Variants in DPP10 observed in about 807,000 individuals in gnomAD.
DPP10 encodes inactive dipeptidyl peptidase 10.
In DPP10, 33 loss-of-function variants were observed where a neutral mutation model predicts 120.9. The ratio of observed to expected loss-of-function variants is 0.27; its 90% confidence interval spans 0.21 to 0.37. The LOEUF (loss-of-function observed/expected upper bound fraction) is 0.37. Among genes scored for constraint, DPP10 ranks in the 10% least tolerant of loss-of-function variants. The pLI is 1.00. For synonymous variants in DPP10, 337 were observed against 326.1 expected, an observed-to-expected ratio of 1.03 and a Z score of -0.36; for missense variants, 816 against 942.8, an observed-to-expected ratio of 0.87 and a Z score of 1.76.
chr2:115,319,678 C>T (rs2061965863), intron 2 of DPP10, among the ~76,000 whole-genome samples: 1 of 152,114 alleles, frequency 6.6e-6, no homozygotes, highest in Admixed American at 6.6e-5. Flanking sequence ...GCTGCTATAG[C>T]AAAATACCAC....
intron 13 of DPP10, among the ~76,000 whole-genome samples, chr2:115,769,668 T>G (rs1458244648): frequency 1.3e-5 from 2 of 151,986 alleles, no homozygotes; most frequent in East Asian, 1.9e-4. Flanking sequence ...TGCATTTATA[T>G]ATGCATTTAT....
At chr2:115,007,020 C>T (rs1164325885) in intron 1 of DPP10, among the ~76,000 whole-genome samples, 2 of 151,970 alleles carry the variant, frequency 1.3e-5, no homozygotes, top group East Asian at 3.9e-4. Context: ...CAAACTATCT[C>T]TCAGACCACA....
chr2:114,508,876 A>G (rs951127312), intron 1 of DPP10, among the ~76,000 whole-genome samples: 2 of 152,138 alleles, frequency 1.3e-5, no homozygotes, highest in Non-Finnish European at 2.9e-5. Context: ...AGAACGTGAA[A>G]TTCAGAAACA....
At chr2:114,948,485 C>A (rs1472090810) in intron 1 of DPP10, among the ~76,000 whole-genome samples, 1 of 152,166 alleles carries the variant, frequency 6.6e-6, no homozygotes, top group East Asian at 1.9e-4. Flanking sequence ...AGGTCACAGT[C>A]ACTTATACTC....
At chr2:115,719,533 C>G (rs1297205410) in intron 7 of DPP10, among the ~76,000 whole-genome samples, 1 of 152,084 alleles carries the variant, frequency 6.6e-6, no homozygotes, top group Non-Finnish European at 1.5e-5. Context: ...TATTTAAGAC[C>G]AAAATGTCAG....
At chr2:115,658,927 T>C (rs1185145170) in intron 5 of DPP10, among the ~76,000 whole-genome samples, 1 of 152,108 alleles carries the variant, frequency 6.6e-6, no homozygotes, top group Non-Finnish European at 1.5e-5. Context: ...TCAAGTTGTA[T>C]AGTTCTCTGG....
intron 1 of DPP10, among the ~76,000 whole-genome samples, chr2:115,286,487 ATATAAT>A (rs200178210): frequency 0.016 from 628 of 39,924 alleles, 16 homozygotes; most frequent in African/African-American, 0.038. Flanking sequence ...TGTAATATAT[ATATAAT>A]ATATATATAT....
intron 5 of DPP10, among the ~76,000 whole-genome samples, chr2:115,662,522 G>A (rs2089084931): frequency 6.6e-6 from 1 of 151,582 alleles, no homozygotes; most frequent in Admixed American, 6.6e-5. Flanking sequence ...ATAGCAAACG[G>A]GTATATGAAA....
At chr2:115,516,353 A>C (rs2077501687) in intron 4 of DPP10, among the ~76,000 whole-genome samples, 1 of 152,096 alleles carries the variant, frequency 6.6e-6, no homozygotes, top group African/African-American at 2.4e-5. Context: ...CCAGGGATGT[A>C]AATCTAAAAT....
In DPP10 at chr2:115,499,806, T is replaced by C. The variant is rs77285207; in HGVS notation, c.366+202T>C. Among the ~76,000 whole-genome samples, 1,249 of 152,170 alleles carry C rather than the reference T, an allele frequency of 8.2e-3. 17 individuals are homozygous for C. The highest frequency in any genetic ancestry group is 0.029 in the African/African-American group (1,209 of 41,562). On this transcript the variant is annotated intron_variant, in intron 4 of 25. Transcript: ENST00000410059. ...TCTGCTTCATTTTCTTCCCGTTTAC[T>C]CTTGTTAATAATTGGAGAAATATTT...
chr2:115,135,354 T>A (rs1056153186), intron 1 of DPP10, among the ~76,000 whole-genome samples: 2 of 152,110 alleles, frequency 1.3e-5, no homozygotes, highest in Non-Finnish European at 2.9e-5. Flanking sequence ...CTCAATTCCC[T>A]ATCTACCTTC....
intron 1 of DPP10, among the ~76,000 whole-genome samples, chr2:114,830,743 A>G (rs915754580): frequency 1.3e-5 from 2 of 152,196 alleles, no homozygotes; most frequent in African/African-American, 4.8e-5. Context: ...GTTTATACAT[A>G]GTTTCTTTAT....
intron 1 of DPP10, among the ~76,000 whole-genome samples, chr2:115,148,264 A>G (rs1444786685): frequency 6.6e-6 from 1 of 152,196 alleles, no homozygotes; most frequent in Non-Finnish European, 1.5e-5. Flanking sequence ...AATTCAACAA[A>G]TAGACCACAA....
chr2:115,557,805 C>T (rs1173159747), intron 5 of DPP10, among the ~76,000 whole-genome samples: 1 of 152,252 alleles, frequency 6.6e-6, no homozygotes, highest in South Asian at 2.1e-4. Context: ...AATGCAGAGG[C>T]TCCTACCTAG....
rs749821051 is a variant in DPP10, at chr2:115,791,356, TGTAA to T, written c.1700+4_1700+7del. 1.3e-6 allele frequency: 2 copies of T among 1,595,588 alleles called. No homozygotes were observed. The highest frequency in any genetic ancestry group is 1.8e-5 in the Admixed American group (1 of 56,432). On this transcript the variant is annotated splice_donor_variant and splice_donor_region_variant and intron_variant, in intron 19 of 25. Transcript: ENST00000410059. LOFTEE classifies it high-confidence loss of function. ...AACCAGTATGCTCTTCTGTTAATAATGTAAGTATTTTATTTGTTTTTAAAATAAA... is the reference window on the plus strand; with the variant it reads ...AACCAGTATGCTCTTCTGTTAATAATGTATTTTATTTGTTTTTAAAATAAA...
chr2:115,166,657 A>G (rs2052900322), intron 1 of DPP10, among the ~76,000 whole-genome samples: 1 of 146,776 alleles, frequency 6.8e-6, no homozygotes. Context: ...ATATCTATAT[A>G]TCTGTTTGAT....
At chr2:114,863,030 G>A (rs1241057619) in intron 1 of DPP10, among the ~76,000 whole-genome samples, 1 of 152,044 alleles carries the variant, frequency 6.6e-6, no homozygotes, top group Non-Finnish European at 1.5e-5. Flanking sequence ...GTACATATGT[G>A]TTTGCCAGGG....
chr2:115,753,455 TA>T lies in DPP10; in HGVS notation c.1074+159del, dbSNP rs555321195. The stretch of plus-strand genomic sequence containing the variant: ...TCTATTAAGAATATATACTTTAATT[TA>T]TAAAGCTTCCAAACTTTGAAGTGAA... On this transcript the variant is annotated intron_variant, in intron 11 of 25. Transcript: ENST00000410059. Among the ~76,000 whole-genome samples, 175 of 152,264 alleles carry T rather than the reference TA, an allele frequency of 1.1e-3. 1 individual carries two copies. The highest frequency in any genetic ancestry group is 4.1e-3 in the African/African-American group (172 of 41,574).
chr2:115,780,910 T>C lies in DPP10; in HGVS notation c.1398T>C (p.Ile466=). 1 of 1,604,592 alleles carries C rather than the reference T, an allele frequency of 6.2e-7. No homozygotes were observed. The highest frequency in any genetic ancestry group is 8.5e-7 in the Non-Finnish European group (1 of 1,173,874). ...STEGLLNRQC[I]SCNFMKEQCT... is the part of the protein sequence containing the mutation. Reference sequence around the variant, plus strand: ...AAGGATTATTGAATCGCCAATGCATTTCATGTAATTTCATGAAAGAACAAT... The same window carrying C: ...AAGGATTATTGAATCGCCAATGCATCTCATGTAATTTCATGAAAGAACAAT... Residue 466 remains isoleucine (I), a synonymous_variant, in exon 16 of 26, where the codon ATT becomes ATC. Coordinates refer to ENST00000410059, the MANE Select transcript of DPP10 (RefSeq NM_020868.6).
Sources: allele counts gnomAD v4.1 joint callset (sites outside exome capture counted in the v4.1 genomes callset), GRCh38; gene constraint gnomAD v4.1.1; transcripts MANE v1.5; gene names NCBI Gene and HGNC (gene_info 2026-07-23, HGNC 2026-07-21).